The following MPP4 variants were observed in gnomAD, a reference collection of about 807,000 sequenced individuals.
MPP4 encodes MAGUK p55 scaffold protein 4.
MPP4 carries 91 observed loss-of-function variants against 98.3 expected under a neutral mutation model. That is an observed-to-expected ratio of 0.93 (90% CI 0.78 to 1.10). The LOEUF is 1.10. Among genes scored for constraint, MPP4 ranks in the 50% least tolerant of loss-of-function variants. MPP4 has a pLI of 0.00. For synonymous variants in MPP4, 261 were observed against 271.8 expected, an observed-to-expected ratio of 0.96 and a Z score of 0.39; for missense variants, 744 against 792.9, an observed-to-expected ratio of 0.94 and a Z score of 0.74.
chr2:201,662,283 C>A (rs1377357656), intron 14 of MPP4, among the ~76,000 whole-genome samples: 1 of 149,444 alleles, frequency 6.7e-6, no homozygotes, highest in Non-Finnish European at 1.5e-5. Context: ...GCAGACGGAT[C>A]ACTTGAGATC....
chr2:201,692,226 CA>C (rs1231504740), intron 3 of MPP4, among the ~76,000 whole-genome samples: 1 of 152,150 alleles, frequency 6.6e-6, no homozygotes, highest in Non-Finnish European at 1.5e-5. Flanking sequence ...TGTGTACTTC[CA>C]AAATGCATAT....
At chr2:201,689,417 A>G (rs1046326425) in intron 4 of MPP4, among the ~76,000 whole-genome samples, 1 of 152,192 alleles carries the variant, frequency 6.6e-6, no homozygotes, top group African/African-American at 2.4e-5. Context: ...AGGAAGTGAC[A>G]TGATTTGACT....
Position 201,669,717 on chromosome 2 carries a change from A to G in MPP4, c.1012+16T>C, listed in dbSNP as rs749607166. On this transcript the variant is annotated intron_variant, in intron 12 of 21. Transcript: ENST00000409474. ...ACTTTGGAGATAAGAGTTTTTTCCT[A>G]AATACTATTTCTTACCTTCTTCCAT... The G allele has an allele frequency of 1.6e-5, 22 of 1,419,194 alleles. No homozygotes were observed. In the African/African-American group the frequency reaches 2.6e-4, roughly 17 times the overall value. The allele number at this position is 1,419,194 out of a possible 1,614,324, so 87.9% of individuals were successfully genotyped here.
At chr2:201,693,220 C>T (rs1689089433) in intron 2 of MPP4, among the ~76,000 whole-genome samples, 191 bp from the exon 3 acceptor site, 1 of 152,148 alleles carries the variant, frequency 6.6e-6, no homozygotes, top group South Asian at 2.1e-4. Flanking sequence ...CATAGCTATC[C>T]GAAACCCAGT....
intron 11 of MPP4, among the ~76,000 whole-genome samples, chr2:201,673,829 T>C (rs572840417): frequency 6.6e-6 from 1 of 152,364 alleles, no homozygotes; most frequent in Admixed American, 6.5e-5. Context: ...CGGGCAGATC[T>C]GTGATGTTGA....
intron 10 of MPP4, among the ~76,000 whole-genome samples, chr2:201,675,859 C>T (rs776538326): frequency 6.6e-6 from 1 of 152,202 alleles, no homozygotes; most frequent in Non-Finnish European, 1.5e-5. Context: ...AGCAAAGTTG[C>T]TCTTCCTTCT....
At chr2:201,668,567 AG>A (rs1169039946) in intron 12 of MPP4, among the ~76,000 whole-genome samples, 1 of 152,104 alleles carries the variant, frequency 6.6e-6, no homozygotes, top group Non-Finnish European at 1.5e-5. Context: ...ACAGCAAAGA[AG>A]GTGGCTGTCT....
chr2:201,681,533 A>G lies in MPP4; in HGVS notation c.695T>C (p.Val232Ala), dbSNP rs988733532. ...ATTCACAGGAGGGTCAGAGACTGGA[A>G]CCACCTTGAACATGATTGTGCCTCG... ...MSRGTIMFKV[V>A]PVSDPPVNSQ... Residue 232 changes from valine (V) to alanine (A), a missense_variant, in exon 9 of 22, where the codon GTT becomes GCT. Transcript: ENST00000409474. 1.2e-6 allele frequency: 2 copies of G among 1,613,844 alleles called. No individual in the cohort carries two copies. Among genetic ancestry groups the G allele is most frequent in the African/African-American group, 1.3e-5 (1 of 75,010 alleles).
At chr2:201,685,287 GCAGC>G (rs1688793732) in intron 6 of MPP4, 142 bp from the exon 7 acceptor site, 1 of 162,274 alleles carries the variant, frequency 6.2e-6, no homozygotes, top group Non-Finnish European at 1.0e-5. Context: ...TTCAATCAAT[GCAGC>G]TCTGGTCTTT....
chr2:201,667,672 G>T (rs1208084), intron 12 of MPP4, among the ~76,000 whole-genome samples: 148,996 of 152,318 alleles, frequency 0.98, 72,958 homozygotes, highest in East Asian at 1. Context: ...CAACAAATAC[G>T]GATTTAATAA....
chr2:201,696,702 T>C (rs1689196750), intron 1 of MPP4, among the ~76,000 whole-genome samples: 1 of 152,220 alleles, frequency 6.6e-6, no homozygotes, highest in South Asian at 2.1e-4. Context: ...GCTTCACAGA[T>C]AGGCGGTGGT....
intron 10 of MPP4, among the ~76,000 whole-genome samples, chr2:201,679,480 CAGTT>C (rs947074510): frequency 6.6e-6 from 1 of 152,138 alleles, no homozygotes; most frequent in Non-Finnish European, 1.5e-5. Context: ...GAGAAAATAA[CAGTT>C]AGGAGAGAAC....
At chr2:201,697,785 G>T in intron 1 of MPP4, 1 of 390,296 alleles carries the variant, frequency 2.6e-6, no homozygotes, top group Non-Finnish European at 3.5e-6. Context: ...ATAATCAAAT[G>T]CAAAACCTTT....
rs1417637633 is a variant in MPP4, at chr2:201,690,197, C to T, written c.279+5G>A. On this transcript the variant is annotated splice_donor_5th_base_variant and intron_variant, in intron 4 of 21. Transcript: ENST00000409474. ...CTACTATCCTGTGGAATAAAATCTCCTTACCTCATAGGATAACACCTGTGC... is the reference window on the plus strand; with the variant it reads ...CTACTATCCTGTGGAATAAAATCTCTTTACCTCATAGGATAACACCTGTGC... 6.3e-7 allele frequency: 1 copy of T among 1,599,648 alleles called. No homozygotes were observed. The highest frequency in any genetic ancestry group is 2.2e-5 in the East Asian group (1 of 44,748).
At position 201,664,099 on chromosome 2, in the gene MPP4, C is replaced by T. The variant is rs776187755; in HGVS notation, c.1054G>A (p.Glu352Lys). Residue 352 changes from glutamate (E) to lysine (K), a missense_variant and splice_region_variant, in exon 14 of 22, where the codon GAA becomes AAA. Glu to Lys is a moderately conservative substitution (Grantham distance 56, BLOSUM62 1). Transcript: ENST00000409474. ...KIDEKCVEAD[E>K]ETFESEELSE... The stretch of plus-strand genomic sequence containing the variant: ...TACTTACCAGATTCAAATGTTTCTT[C>T]ATCTATGATTTTTCATGGAGGCAAA... 3.3e-6 allele frequency: 5 copies of T among 1,511,768 alleles called. No individual in the cohort carries two copies. Among genetic ancestry groups the T allele is most frequent in the South Asian group, 2.5e-5 (2 of 81,416 alleles). The allele number at this position is 1,511,768 out of a possible 1,614,324, so 93.6% of individuals were successfully genotyped here. A position where few individuals can be genotyped will look rare whatever the true frequency, so the allele number is the denominator to read the frequency against.
intron 4 of MPP4, among the ~76,000 whole-genome samples, chr2:201,687,921 TCTG>T (rs879917493): frequency 2.6e-5 from 4 of 152,240 alleles, no homozygotes; most frequent in Non-Finnish European, 5.9e-5. Context: ...TTCTGCTCTC[TCTG>T]CTGTGGTTTA....
intron 18 of MPP4, among the ~76,000 whole-genome samples, chr2:201,652,942 TA>T (rs1205224998): frequency 6.6e-6 from 1 of 152,236 alleles, no homozygotes. Flanking sequence ...CTTTCTCTCC[TA>T]AATGATATAT....
intron 6 of MPP4, 81 bp downstream of exon 6, chr2:201,685,838 C>T (rs2105943562): frequency 6.5e-7 from 1 of 1,526,810 alleles, no homozygotes; most frequent in Non-Finnish European, 8.9e-7. Context: ...AGGCTACTGC[C>T]CAAGTAACCA....
intron 11 of MPP4, among the ~76,000 whole-genome samples, chr2:201,670,285 G>A (rs959679987): frequency 1.3e-5 from 2 of 152,032 alleles, no homozygotes; most frequent in African/African-American, 2.4e-5. Context: ...TTTTTTTGGG[G>A]GGAGGAGGGT....
Sources: allele counts gnomAD v4.1 joint callset (sites outside exome capture counted in the v4.1 genomes callset), GRCh38; gene constraint gnomAD v4.1.1; transcripts MANE v1.5; gene names NCBI Gene and HGNC (gene_info 2026-07-23, HGNC 2026-07-21).